MYH11: variants seen among roughly 807,000 people sequenced by gnomAD.
MYH11 encodes the protein myosin heavy chain 11.
A neutral mutation model predicts 246.6 loss-of-function variants in MYH11; 80 were observed. The observed-to-expected ratio is 0.32, with a 90% CI of 0.27 to 0.39. The LOEUF is 0.39. Ranked by LOEUF, MYH11 falls within the 10% of genes least tolerant of loss-of-function variation. The pLI is 1.00. For synonymous variants in MYH11, 1,071 were observed against 1,015.5 expected (o/e 1.05, Z -1.04); for missense variants, 2,158 against 2,546.8 (o/e 0.85, Z 3.29).
chr16:15,766,450 C>T (rs750618872), intron 9 of MYH11, among the ~76,000 whole-genome samples: 25 of 150,864 alleles, frequency 1.7e-4, no homozygotes, highest in Non-Finnish European at 3.1e-4. Context: ...CTCACTGCAA[C>T]CTCTGCGCTT....
intron 1 of MYH11, among the ~76,000 whole-genome samples, chr16:15,846,996 T>G (rs2044207165): frequency 6.6e-6 from 1 of 152,036 alleles, no homozygotes; most frequent in African/African-American, 2.4e-5. Flanking sequence ...GCTGCACACT[T>G]TTTTGCACAT....
chr16:15,768,676 TTCTC>T (rs1450887649), intron 9 of MYH11, among the ~76,000 whole-genome samples: 3 of 152,232 alleles, frequency 2.0e-5, no homozygotes, highest in African/African-American at 7.2e-5. Flanking sequence ...ATAGAAAACT[TTCTC>T]TATCTTCAGT....
In MYH11 at chr16:15,737,557, C is replaced by T. The variant is rs1422225213; in HGVS notation, c.3185G>A (p.Gly1062Asp). The T allele has an allele frequency of 1.2e-6, 2 of 1,613,890 alleles. No homozygotes were observed. The highest frequency in any genetic ancestry group is 1.7e-6 in the Non-Finnish European group (2 of 1,180,042). ...ELEKLKRKLEGDASDFHEQIA... is the reference protein window; with the variant it reads ...ELEKLKRKLEDDASDFHEQIA... ...CTGCTCGTGGAAGTCGCTGGCATCA[C>T]CCTCCAGCTTCCGTTTCAGCTTCTC... Residue 1062 changes from glycine (G) to aspartate (D), a missense_variant, in exon 25 of 41, where the codon GGT becomes GAT. This residue lies in a region of MYH11 where 284 missense variants were observed against 315.4 expected (regional missense o/e 0.90). Coordinates refer to ENST00000300036, the MANE Select transcript of MYH11 (RefSeq NM_002474.3).
At chr16:15,762,231 T>C (rs2041884537) in intron 10 of MYH11, among the ~76,000 whole-genome samples, 1 of 152,170 alleles carries the variant, frequency 6.6e-6, no homozygotes, top group South Asian at 2.1e-4. Context: ...TGCCTGGGCC[T>C]CCCAAAATCC....
Position 15,717,210 on chromosome 16 carries a change from ACTTGGACTTGAC to A in MYH11, c.5422_5433del (p.Val1808_Lys1811del). 1 of 1,614,096 alleles carries A rather than the reference ACTTGGACTTGAC, an allele frequency of 6.2e-7. No individual in the cohort carries two copies. The highest frequency in any genetic ancestry group is 1.3e-5 in the African/African-American group (1 of 75,024). ...TCCAGCGCCGCGATGGTGGACTTGA[ACTTGGACTTGAC>A]GGCCCCCTCCATCTCGTGGAGCTTG... On this transcript the variant is annotated inframe_deletion, in exon 38 of 41. Transcript: ENST00000300036.
intron 8 of MYH11, 139 bp from the exon 9 acceptor site, chr16:15,771,851 A>G (rs1161235888): frequency 2.7e-6 from 3 of 1,096,890 alleles, no homozygotes; most frequent in East Asian, 2.6e-5. Flanking sequence ...GCCCTCACGC[A>G]TCGTCACGTA....
At chr16:15,759,464 C>T (rs551624944) in intron 12 of MYH11, 112 bp downstream of exon 12, 70 of 1,385,418 alleles carry the variant, frequency 5.1e-5, no homozygotes, top group Admixed American at 1.3e-4. Context: ...TAGACAGCCT[C>T]CTACCCTACA....
In MYH11 at chr16:15,734,793, G is replaced by C. The variant is rs542855189; in HGVS notation, c.3506+573C>G. Among the ~76,000 whole-genome samples, 4 of 152,252 alleles carry C rather than the reference G, an allele frequency of 2.6e-5. No homozygotes were observed. The East Asian group carries it at 7.7e-4, about 29-fold the overall frequency. ...TATTATTAGTGTTAGTGTATCTTAT[G>C]TGTGGCCCAAGACAAATCTTTTTCT... On this transcript the variant is annotated intron_variant, in intron 26 of 40. Coordinates refer to ENST00000300036, the MANE Select transcript of MYH11 (RefSeq NM_002474.3).
chr16:15,790,545 C>G (rs1483401640), intron 4 of MYH11, among the ~76,000 whole-genome samples: 1 of 152,152 alleles, frequency 6.6e-6, no homozygotes, highest in East Asian at 1.9e-4. Flanking sequence ...GGCTCGTGGG[C>G]GTCTGAAGGT....
chr16:15,703,841 C>G lies in MYH11; in HGVS notation c.*150G>C. 9.3e-7 allele frequency: 1 copy of G among 1,076,856 alleles called. No homozygotes were observed. Among genetic ancestry groups the G allele is most frequent in the Non-Finnish European group, 1.4e-6 (1 of 708,356 alleles). The allele number at this position is 1,076,856 out of a possible 1,614,324, so 66.7% of individuals were successfully genotyped here. A position where few individuals can be genotyped will look rare whatever the true frequency, so the allele number is the denominator to read the frequency against. ...TTTATATTCCTTGTGTGAGGGGTGTCTGTGATATTTGGAATTTGAGAATGG... is the reference window on the plus strand; with the variant it reads ...TTTATATTCCTTGTGTGAGGGGTGTGTGTGATATTTGGAATTTGAGAATGG... On this transcript the variant is annotated 3_prime_UTR_variant, in exon 41 of 41. Transcript: ENST00000300036.
At chr16:15,815,741 T>C (rs2043247633) in intron 3 of MYH11, among the ~76,000 whole-genome samples, 1 of 151,920 alleles carries the variant, frequency 6.6e-6, no homozygotes, top group Non-Finnish European at 1.5e-5. Flanking sequence ...TGAATAGGGG[T>C]ACAAAGACAG....
At chr16:15,830,021 G>C (rs1188032149) in intron 2 of MYH11, among the ~76,000 whole-genome samples, 2 of 152,092 alleles carry the variant, frequency 1.3e-5, no homozygotes, top group Non-Finnish European at 2.9e-5. Context: ...TGTAATCCCA[G>C]CTACTCGGGA....
At chr16:15,744,042 A>G (rs930805438) in intron 20 of MYH11, among the ~76,000 whole-genome samples, 4 of 151,974 alleles carry the variant, frequency 2.6e-5, no homozygotes, top group Non-Finnish European at 5.9e-5. Flanking sequence ...AGCCTGAAGC[A>G]GGAGGGTTGC....
intron 38 of MYH11, among the ~76,000 whole-genome samples, chr16:15,716,185 AGCCTCCCAAAGT>A (rs1359960420): frequency 1.3e-5 from 2 of 152,104 alleles, no homozygotes; most frequent in African/African-American, 4.8e-5. Context: ...CACCTACCTC[AGCCTCCCAAAGT>A]GCCGGGATTA....
At chr16:15,809,601 G>A (rs1353936598) in intron 3 of MYH11, among the ~76,000 whole-genome samples, 2 of 151,934 alleles carry the variant, frequency 1.3e-5, no homozygotes, top group Non-Finnish European at 2.9e-5. Flanking sequence ...AGGACACCGA[G>A]GGAGGTGGCT....
At chr16:15,712,069 A>G (rs2039832464) in intron 40 of MYH11, among the ~76,000 whole-genome samples, 1 of 152,122 alleles carries the variant, frequency 6.6e-6, no homozygotes, top group African/African-American at 2.4e-5. Context: ...CCAAAACGTT[A>G]AGAAGGACCA....
At chr16:15,714,842 A>G in intron 40 of MYH11, 67 bp downstream of exon 40, 1 of 1,594,080 alleles carries the variant, frequency 6.3e-7, no homozygotes, top group Non-Finnish European at 8.6e-7. Flanking sequence ...GGCCGAAAGG[A>G]GCCCGAGCCC....
chr16:15,844,924 T>A (rs1309746071), intron 1 of MYH11, among the ~76,000 whole-genome samples: 1 of 152,216 alleles, frequency 6.6e-6, no homozygotes. Flanking sequence ...AAGATCTTTC[T>A]GAGCCTAAAT....
At chr16:15,707,267 T>A (rs752719725) in intron 40 of MYH11, among the ~76,000 whole-genome samples, 1 of 152,108 alleles carries the variant, frequency 6.6e-6, no homozygotes, top group Non-Finnish European at 1.5e-5. Context: ...GACCTCAAGT[T>A]ATCTGCCCGC....
Sources: allele counts gnomAD v4.1 joint callset (sites outside exome capture counted in the v4.1 genomes callset), GRCh38; gene constraint gnomAD v4.1.1; regional missense constraint gnomAD v4.1.1; transcripts MANE v1.5; gene names NCBI Gene and HGNC (gene_info 2026-07-23, HGNC 2026-07-21).